RHPN2: variants seen among roughly 807,000 people sequenced by gnomAD.
The protein encoded by RHPN2 is rhophilin Rho GTPase binding protein 2, also known as rhophilin-2.
RHPN2 carries 40 observed loss-of-function variants against 79.0 expected under a neutral mutation model. That is an observed-to-expected ratio of 0.51 (90% CI 0.39 to 0.66). The LOEUF (loss-of-function observed/expected upper bound fraction) is 0.66. RHPN2 is among the 30% of genes least tolerant of loss of function. The pLI is 0.00. For synonymous variants in RHPN2, 285 were observed against 363.5 expected, an observed-to-expected ratio of 0.78 and a Z score of 2.46; for missense variants, 686 against 883.5, an observed-to-expected ratio of 0.78 and a Z score of 2.83.
intron 5 of RHPN2, 133 bp from the exon 6 acceptor site, chr19:33,011,936 C>G: frequency 8.6e-7 from 1 of 1,167,682 alleles, no homozygotes; most frequent in Non-Finnish European, 1.2e-6. Flanking sequence ...CTACTGGCAT[C>G]GTAAACTCTG....
At chr19:33,012,105 G>A (rs1397569316) in intron 5 of RHPN2, among the ~76,000 whole-genome samples, 2 of 149,370 alleles carry the variant, frequency 1.3e-5, no homozygotes, top group African/African-American at 2.5e-5. Flanking sequence ...GCAGTGGTGC[G>A]ATCTTGGCTC....
intron 2 of RHPN2, among the ~76,000 whole-genome samples, chr19:33,033,714 C>T (rs1324877119): frequency 6.6e-6 from 1 of 150,930 alleles, no homozygotes; most frequent in Non-Finnish European, 1.5e-5. Context: ...ACTGAAAATA[C>T]AAAATTAGCC....
At chr19:32,996,640 C>T (rs1240438009) in intron 10 of RHPN2, among the ~76,000 whole-genome samples, 1 of 152,114 alleles carries the variant, frequency 6.6e-6, no homozygotes, top group African/African-American at 2.4e-5. Flanking sequence ...GTAACTGCTT[C>T]TATAACCAAT....
At chr19:33,014,827 A>T (rs1173993513) in intron 4 of RHPN2, among the ~76,000 whole-genome samples, 4 of 152,176 alleles carry the variant, frequency 2.6e-5, no homozygotes, top group African/African-American at 9.6e-5. Flanking sequence ...GTAGTAACTC[A>T]TGCCTGTGAT....
intron 1 of RHPN2, among the ~76,000 whole-genome samples, chr19:33,045,808 TA>T (rs200196006): frequency 2.6e-5 from 4 of 151,218 alleles, no homozygotes; most frequent in Non-Finnish European, 3.0e-5. Context: ...TTCATCAGCC[TA>T]AAAAAAAAGC....
chr19:33,022,958 G>C (rs1479477143), intron 3 of RHPN2, among the ~76,000 whole-genome samples: 3 of 152,122 alleles, frequency 2.0e-5, no homozygotes, highest in African/African-American at 7.2e-5. Flanking sequence ...GAGGAGGAGC[G>C]AGTGTCCTGA....
intron 12 of RHPN2, among the ~76,000 whole-genome samples, chr19:32,992,513 C>A (rs1426596157): frequency 6.6e-6 from 1 of 152,054 alleles, no homozygotes; most frequent in Non-Finnish European, 1.5e-5. Context: ...AATAAAATCT[C>A]TAATATAAAA....
intron 14 of RHPN2, among the ~76,000 whole-genome samples, chr19:32,984,860 C>T (rs1231235111): frequency 6.6e-6 from 1 of 152,110 alleles, no homozygotes; most frequent in East Asian, 1.9e-4. Flanking sequence ...GTAATCCTAA[C>T]ACTTTGGGAG....
intron 2 of RHPN2, among the ~76,000 whole-genome samples, chr19:33,029,443 G>A (rs921598653): frequency 2.0e-5 from 3 of 149,884 alleles, no homozygotes; most frequent in South Asian, 2.1e-4. Flanking sequence ...GGAGAATGGC[G>A]TGAACCCAGG....
intron 2 of RHPN2, among the ~76,000 whole-genome samples, chr19:33,035,910 A>T (rs1378193710): frequency 6.6e-6 from 1 of 152,104 alleles, no homozygotes; most frequent in African/African-American, 2.4e-5. Flanking sequence ...AGGTCAGGAG[A>T]TATAGACCAT....
chr19:32,985,244 C>T (rs1288284771), intron 14 of RHPN2, among the ~76,000 whole-genome samples: 1 of 152,126 alleles, frequency 6.6e-6, no homozygotes, highest in Non-Finnish European at 1.5e-5. Flanking sequence ...AGTCCTAGAA[C>T]TCGAAGCTGT....
intron 1 of RHPN2, among the ~76,000 whole-genome samples, chr19:33,054,223 A>C (rs1972213280): frequency 7.1e-6 from 1 of 141,646 alleles, no homozygotes; most frequent in Non-Finnish European, 1.5e-5. Flanking sequence ...TTTGAGACAG[A>C]ATCTTGCTCT....
At position 33,013,193 on chromosome 19, in the gene RHPN2, AAACAAAAACAAAAAAC is replaced by A. The variant is rs1568316120; in HGVS notation, c.391-485_391-470del. On this transcript the variant is annotated intron_variant, in intron 4 of 14. Coordinates refer to ENST00000254260, the MANE Select transcript of RHPN2 (RefSeq NM_033103.5). ...GCCCGGCCATAGTTTTTTTTTAAAA[AAACAAAAACAAAAAAC>A]AAAAAACAGAGTTTCACTCCTGTTG... Among the ~76,000 whole-genome samples, 163 of 75,642 alleles carry A rather than the reference AAACAAAAACAAAAAAC, an allele frequency of 2.2e-3. 2 individuals carry two copies. Among genetic ancestry groups the A allele is most frequent in the African/African-American group, 0.012 (161 of 13,446 alleles). 49.6% of individuals were successfully genotyped at this position (75,642 alleles called of 152,430 possible). A position where few individuals can be genotyped will look rare whatever the true frequency, so the allele number is the denominator to read the frequency against.
At chr19:32,989,557 T>G (rs535812408) in intron 14 of RHPN2, among the ~76,000 whole-genome samples, 1 of 152,374 alleles carries the variant, frequency 6.6e-6, no homozygotes, top group Non-Finnish European at 1.5e-5. Flanking sequence ...AGCACTTCTG[T>G]ACCATTAGAA....
intron 1 of RHPN2, among the ~76,000 whole-genome samples, chr19:33,047,846 A>G (rs1972154261): frequency 6.6e-6 from 1 of 152,124 alleles, no homozygotes. Flanking sequence ...CAGGAGTTTG[A>G]GGCTGCGGTG....
chr19:33,036,757 G>A (rs570210316), intron 2 of RHPN2, among the ~76,000 whole-genome samples: 3 of 152,184 alleles, frequency 2.0e-5, no homozygotes, highest in Admixed American at 6.5e-5. Flanking sequence ...CGCTGGCCCC[G>A]GGCAGTGAGG....
At chr19:33,057,507 T>C (rs12976181) in intron 1 of RHPN2, among the ~76,000 whole-genome samples, 81,847 of 151,248 alleles carry the variant, frequency 0.54, 26,186 homozygotes, top group African/African-American at 0.87. Flanking sequence ...ATGGAGAAAC[T>C]TTGTCTCTAC....
In RHPN2 at chr19:32,999,647, G is replaced by A. The variant is rs1267992719; in HGVS notation, c.1164C>T (p.His388=). The change falls in exon 10 of 15, where the codon CAC becomes CAT. Residue 388 remains histidine, a synonymous_variant. Coordinates refer to ENST00000254260, the MANE Select transcript of RHPN2 (RefSeq NM_033103.5). ...QEKCLSQLYD[H]MPEGLTPLAT... Reference sequence around the variant, plus strand: ...CCAAGGGTGTCAGCCCCTCTGGCATGTGGTCGTAGAGCTGGGACAGGCACT... The same window carrying A: ...CCAAGGGTGTCAGCCCCTCTGGCATATGGTCGTAGAGCTGGGACAGGCACT... The A allele has an allele frequency of 6.2e-7, 1 of 1,613,362 alleles. No individual in the cohort carries two copies. Among genetic ancestry groups the A allele is most frequent in the Non-Finnish European group, 8.5e-7 (1 of 1,179,516 alleles).
chr19:33,039,878 C>CA (rs1268878059), intron 2 of RHPN2, among the ~76,000 whole-genome samples: 4 of 148,390 alleles, frequency 2.7e-5, no homozygotes, highest in East Asian at 2.0e-4. Flanking sequence ...AGATTAAAAA[C>CA]AAAAAAAAAT....
Sources: gnomAD v4.1 joint callset for allele counts (sites outside exome capture counted in the v4.1 genomes callset) on GRCh38, gnomAD v4.1.1 for gene constraint, MANE v1.5 for transcripts, NCBI Gene and HGNC (gene_info 2026-07-23, HGNC 2026-07-21) for gene names.